ROBO2: variants seen among roughly 807,000 people sequenced by gnomAD.
ROBO2 encodes the protein roundabout homolog 2.
In ROBO2, 53 loss-of-function variants were observed where a neutral mutation model predicts 160.8. That is an observed-to-expected ratio of 0.33 (90% confidence interval 0.26 to 0.41). ROBO2 has a LOEUF of 0.41. ROBO2 is among the 10% of genes least tolerant of loss of function. The pLI is 1.00. For missense variants in ROBO2, 1,577 were observed against 1,722.4 expected (o/e 0.92, Z 1.49); for synonymous variants, 664 against 611.7 (o/e 1.09, Z -1.26).
chr3:76,908,255 TG>T (rs1441653855), intron 2 of ROBO2, among the ~76,000 whole-genome samples: 1 of 152,240 alleles, frequency 6.6e-6, no homozygotes, highest in Non-Finnish European at 1.5e-5. Flanking sequence ...AATTCCTTTC[TG>T]TCCTTTGGAT....
chr3:76,291,633 A>C (rs894792503), intron 2 of ROBO2, among the ~76,000 whole-genome samples: 5 of 151,764 alleles, frequency 3.3e-5, no homozygotes, highest in African/African-American at 1.2e-4. Flanking sequence ...TTAGTTTGAG[A>C]TCTTTCTTAT....
At chr3:77,611,094 C>T (rs554990909) in intron 21 of ROBO2, among the ~76,000 whole-genome samples, 27 of 151,960 alleles carry the variant, frequency 1.8e-4, no homozygotes, top group Non-Finnish European at 2.9e-4. Flanking sequence ...GTCAAGAGAT[C>T]GAGACCATCC....
chr3:76,627,813 G>T (rs1156942504), intron 2 of ROBO2, among the ~76,000 whole-genome samples: 1 of 152,152 alleles, frequency 6.6e-6, no homozygotes, highest in Non-Finnish European at 1.5e-5. Flanking sequence ...TGCAGTGGGA[G>T]TGTAGCAAAT....
At chr3:76,106,692 A>G (rs146034540) in intron 2 of ROBO2, among the ~76,000 whole-genome samples, 1 of 152,290 alleles carries the variant, frequency 6.6e-6, no homozygotes, top group East Asian at 1.9e-4. Context: ...TTCCATAAGC[A>G]CTTGAGGAAA....
intron 2 of ROBO2, among the ~76,000 whole-genome samples, chr3:77,427,854 A>C (rs768267514): frequency 1.3e-5 from 2 of 152,248 alleles, no homozygotes; most frequent in African/African-American, 2.4e-5. Context: ...TATGGTTAAT[A>C]GGGAGAGATA....
intron 2 of ROBO2, among the ~76,000 whole-genome samples, chr3:77,214,524 T>C (rs1310873972): frequency 3.9e-5 from 6 of 152,226 alleles, no homozygotes; most frequent in African/African-American, 1.4e-4. Flanking sequence ...GGGTCTTGAC[T>C]CTTTATCGAA....
intron 2 of ROBO2, among the ~76,000 whole-genome samples, chr3:76,075,642 C>T (rs1199980199): frequency 6.6e-6 from 1 of 152,186 alleles, no homozygotes; most frequent in Non-Finnish European, 1.5e-5. Flanking sequence ...CAGTGATTCG[C>T]TGTAGTATCC....
At chr3:77,130,541 C>A (rs2075763182) in intron 2 of ROBO2, among the ~76,000 whole-genome samples, 1 of 152,142 alleles carries the variant, frequency 6.6e-6, no homozygotes, top group South Asian at 2.1e-4. Flanking sequence ...CAAATTTTAA[C>A]AATGCAAAAG....
At chr3:76,778,063 C>G (rs2062392893) in intron 2 of ROBO2, among the ~76,000 whole-genome samples, 1 of 150,998 alleles carries the variant, frequency 6.6e-6, no homozygotes, top group African/African-American at 2.4e-5. Flanking sequence ...GCAATGAGTT[C>G]TGGCCATTGG....
chr3:77,008,327 G>A (rs897712192), intron 2 of ROBO2, among the ~76,000 whole-genome samples: 5 of 152,080 alleles, frequency 3.3e-5, no homozygotes, highest in Non-Finnish European at 5.9e-5. Context: ...TTAAGAACAA[G>A]CATTTGTTTA....
chr3:76,532,679 G>A (rs944428177), intron 2 of ROBO2, among the ~76,000 whole-genome samples: 1 of 152,116 alleles, frequency 6.6e-6, no homozygotes, highest in Non-Finnish European at 1.5e-5. Flanking sequence ...CATGTGAAAA[G>A]TGATATATCT....
intron 2 of ROBO2, among the ~76,000 whole-genome samples, chr3:77,004,576 A>C (rs1291565018): frequency 1.3e-5 from 2 of 152,146 alleles, no homozygotes; most frequent in Admixed American, 1.3e-4. Context: ...CAAATGTCTA[A>C]ATTTACTTGA....
intron 2 of ROBO2, among the ~76,000 whole-genome samples, chr3:76,225,997 T>G (rs1033572781): frequency 1.3e-5 from 2 of 152,112 alleles, no homozygotes; most frequent in African/African-American, 4.8e-5. Flanking sequence ...AATGTGGAGA[T>G]AAAGGGTGTT....
intron 2 of ROBO2, among the ~76,000 whole-genome samples, chr3:76,862,901 T>C (rs1479193730): frequency 1.3e-5 from 2 of 152,130 alleles, no homozygotes; most frequent in African/African-American, 4.8e-5. Flanking sequence ...CTTTTCTCTC[T>C]CCATTGCCTT....
intron 2 of ROBO2, among the ~76,000 whole-genome samples, chr3:76,172,375 A>G (rs2073075005): frequency 1.3e-5 from 2 of 151,144 alleles, no homozygotes; most frequent in Non-Finnish European, 2.9e-5. Context: ...GCACACATGT[A>G]TACATATGTA....
intron 2 of ROBO2, among the ~76,000 whole-genome samples, chr3:76,449,101 G>A (rs1350288225): frequency 6.6e-6 from 1 of 152,130 alleles, no homozygotes; most frequent in African/African-American, 2.4e-5. Context: ...TTCCATTCAT[G>A]TAATGGAACA....
At chr3:76,543,248 G>A (rs78962801) in intron 2 of ROBO2, among the ~76,000 whole-genome samples, 2,455 of 152,178 alleles carry the variant, frequency 0.016, 47 homozygotes, top group African/African-American at 0.053. Context: ...TTTATATGTA[G>A]AAGTGTTAAC....
At position 76,197,897 on chromosome 3, in the gene ROBO2, A is replaced by G. The variant is rs138776024; in HGVS notation, c.109+260295A>G. On this transcript the variant is annotated intron_variant, in intron 2 of 26. Coordinates refer to the ROBO2 transcript ENST00000487694. ...AAAATATCTTAAATCCTCTGAGAACAATATAAGTATCCTGGTTTTACCTAT... is the reference window on the plus strand; with the variant it reads ...AAAATATCTTAAATCCTCTGAGAACGATATAAGTATCCTGGTTTTACCTAT... Among the ~76,000 whole-genome samples the G allele has an allele frequency of 3.8e-3, 577 of 152,336 alleles. 5 individuals carry two copies. The highest frequency in any genetic ancestry group is 0.013 in the African/African-American group (547 of 41,590).
intron 2 of ROBO2, among the ~76,000 whole-genome samples, chr3:76,224,732 A>C (rs1479882525): frequency 2.5e-5 from 1 of 40,720 alleles, no homozygotes; most frequent in East Asian, 8.3e-4. Context: ...TCCACAAACT[A>C]GCACATTCCT....
Sources: allele counts gnomAD v4.1 joint callset (sites outside exome capture counted in the v4.1 genomes callset), GRCh38; gene constraint gnomAD v4.1.1; transcripts MANE v1.5; gene names NCBI Gene and HGNC (gene_info 2026-07-23, HGNC 2026-07-21).